The following TRPM3 variants were observed in gnomAD, a reference collection of about 807,000 sequenced individuals.
TRPM3 encodes the protein transient receptor potential cation channel subfamily M member 3.
Under a neutral mutation model 181.2 loss-of-function variants are expected in TRPM3, and 77 were observed. The ratio of observed to expected loss-of-function variants is 0.42; its 90% CI spans 0.35 to 0.51. The LOEUF is 0.51. Ranked by LOEUF, TRPM3 falls within the 20% of genes least tolerant of loss-of-function variation. The probability of loss-of-function intolerance (pLI) is 0.01; values close to 1 mark genes in which losing one functional copy is unlikely to be tolerated. For synonymous variants in TRPM3, 745 were observed against 796.4 expected, an observed-to-expected ratio of 0.94 and a Z score of 1.09; for missense variants, 1,759 against 2,196.7, an observed-to-expected ratio of 0.80 and a Z score of 3.98.
chr9:70,793,333 G>A (rs1249568597), intron 6 of TRPM3, among the ~76,000 whole-genome samples: 1 of 151,718 alleles, frequency 6.6e-6, no homozygotes, highest in Non-Finnish European at 1.5e-5. Context: ...GCATGTGCCT[G>A]TAGTCCCAGC....
chr9:70,598,574 A>G lies in TRPM3; in HGVS notation c.2893T>C (p.Ser965Pro), dbSNP rs2059383562. The G allele has an allele frequency of 1.2e-6, 2 of 1,614,094 alleles. No homozygotes were observed. The highest frequency in any genetic ancestry group is 8.5e-7 in the Non-Finnish European group (1 of 1,180,046). ...TGGAGACGAAGGATCATTCCGACAGAAAACAGAAGGATGGCGATGAGGTCC... is the reference window on the plus strand; with the variant it reads ...TGGAGACGAAGGATCATTCCGACAGGAAACAGAAGGATGGCGATGAGGTCC... ...VTDLIAILLF[S>P]VGMILRLQDQ... Residue 965 changes from serine to proline, a missense_variant, in exon 21 of 26, where the codon TCT becomes CCT. By Grantham distance (74) the Ser-to-Pro change is moderately conservative (BLOSUM62 -1). Transcript: ENST00000677713.
intron 1 of TRPM3, among the ~76,000 whole-genome samples, chr9:70,963,306 T>G (rs963537047): frequency 6.6e-6 from 1 of 152,192 alleles, no homozygotes; most frequent in Non-Finnish European, 1.5e-5. Context: ...AAGGAAGACA[T>G]CATTTCTCCC....
In TRPM3 at chr9:70,845,779, G is replaced by A. The variant is rs373062988; in HGVS notation, c.676+599C>T. 5.0e-4 allele frequency among the ~76,000 whole-genome samples: 76 copies of A among 152,190 alleles called. 2 individuals carry two copies. The highest frequency in any genetic ancestry group is 1.6e-3 in the African/African-American group (67 of 41,526). ...CACATTAAAAATGTTCTGTAAATAAGCACTTAACTATAGGTGGGCCAGTAA... is the reference window on the plus strand; with the variant it reads ...CACATTAAAAATGTTCTGTAAATAAACACTTAACTATAGGTGGGCCAGTAA... On this transcript the variant is annotated intron_variant, in intron 4 of 25. Coordinates refer to ENST00000677713, the MANE Select transcript of TRPM3 (RefSeq NM_001366145.2).
At chr9:71,414,816 T>A (rs992648685) in intron 1 of TRPM3, among the ~76,000 whole-genome samples, 4 of 152,000 alleles carry the variant, frequency 2.6e-5, no homozygotes, top group African/African-American at 9.7e-5. Flanking sequence ...ATATTTTAAA[T>A]TAAAAATGTG....
At chr9:71,371,063 GA>G (rs35238336) in intron 1 of TRPM3, among the ~76,000 whole-genome samples, 45 of 146,594 alleles carry the variant, frequency 3.1e-4, no homozygotes, top group Admixed American at 1.3e-3. Context: ...CTACTTCTGA[GA>G]AAAAAAAAAA....
chr9:70,619,108 A>T lies in TRPM3; in HGVS notation c.2130-13T>A. The stretch of plus-strand genomic sequence containing the variant: ...CTGGCCAAAGTCTCTGAAAGACAGA[A>T]TGGGTGGAAGAGTCCTTCAGGTCAG... On this transcript the variant is annotated splice_polypyrimidine_tract_variant and intron_variant, in intron 16 of 25. Coordinates refer to ENST00000677713, the MANE Select transcript of TRPM3 (RefSeq NM_001366145.2). The T allele has an allele frequency of 6.2e-7, 1 of 1,608,758 alleles. No individual in the cohort carries two copies.
At chr9:71,299,328 CTG>C (rs2086570329) in intron 1 of TRPM3, among the ~76,000 whole-genome samples, 1 of 152,312 alleles carries the variant, frequency 6.6e-6, no homozygotes, top group Admixed American at 6.5e-5. Context: ...AGACTTAACT[CTG>C]TGCCCAGTGT....
At chr9:70,609,889 T>C (rs1371497486) in intron 19 of TRPM3, among the ~76,000 whole-genome samples, 1 of 150,412 alleles carries the variant, frequency 6.6e-6, no homozygotes, top group African/African-American at 2.5e-5. Flanking sequence ...GGAGATGACC[T>C]GGGCCAAAAG....
chr9:70,591,792 T>G lies in TRPM3; in HGVS notation c.3049-587A>C, dbSNP rs185262810. ...CAAATATCCATTATATTCTTATTCTTGTGGCCCCACCCCACTGCATAGTAT... is the reference window on the plus strand; with the variant it reads ...CAAATATCCATTATATTCTTATTCTGGTGGCCCCACCCCACTGCATAGTAT... On this transcript the variant is annotated intron_variant, in intron 21 of 25. Coordinates refer to ENST00000677713, the MANE Select transcript of TRPM3 (RefSeq NM_001366145.2). Among the ~76,000 whole-genome samples the G allele has an allele frequency of 4.6e-5, 7 of 152,332 alleles. No individual in the cohort carries two copies. In the East Asian group the frequency reaches 1.3e-3, roughly 29 times the overall value.
chr9:70,793,562 C>A (rs766039590), intron 6 of TRPM3: 3 of 467,404 alleles, frequency 6.4e-6, no homozygotes, highest in South Asian at 3.1e-5. Context: ...CATATATATA[C>A]CCCTTTATGT....
chr9:70,991,157 G>T (rs1278679080), intron 1 of TRPM3, among the ~76,000 whole-genome samples: 1 of 151,998 alleles, frequency 6.6e-6, no homozygotes, highest in Non-Finnish European at 1.5e-5. Flanking sequence ...TCTTCATATT[G>T]CCTAGAGAAG....
intron 22 of TRPM3, among the ~76,000 whole-genome samples, chr9:70,580,969 C>T (rs1042083499): frequency 5.9e-5 from 9 of 152,204 alleles, no homozygotes; most frequent in South Asian, 2.1e-4. Context: ...ACTCCCATCT[C>T]GTGGCACAGA....
intron 1 of TRPM3, among the ~76,000 whole-genome samples, chr9:71,152,983 G>A (rs963431875): frequency 6.6e-6 from 1 of 152,092 alleles, no homozygotes; most frequent in Non-Finnish European, 1.5e-5. Flanking sequence ...TGAGAGAACT[G>A]AGAAGCAGCC....
intron 1 of TRPM3, among the ~76,000 whole-genome samples, chr9:71,344,331 A>G (rs1588590310): frequency 2.0e-5 from 3 of 151,992 alleles, no homozygotes; most frequent in East Asian, 1.9e-4. Context: ...CATGCCTGTA[A>G]TCCCAGCTAC....
chr9:71,058,973 A>G (rs1239667888), intron 1 of TRPM3, among the ~76,000 whole-genome samples: 2 of 147,724 alleles, frequency 1.4e-5, no homozygotes, highest in East Asian at 2.0e-4. Flanking sequence ...TCTTTGCTCA[A>G]ATAAACTCTA....
chr9:70,590,897 C>T, intron 22 of TRPM3, 134 bp downstream of exon 22: 1 of 1,244,360 alleles, frequency 8.0e-7, no homozygotes, highest in African/African-American at 1.5e-5. Flanking sequence ...TTGTTTCCTC[C>T]AAGATAGCAA....
At chr9:71,070,138 G>A (rs1369991221) in intron 1 of TRPM3, among the ~76,000 whole-genome samples, 2 of 152,166 alleles carry the variant, frequency 1.3e-5, no homozygotes, top group Admixed American at 6.5e-5. Context: ...GAAATATCTG[G>A]TCAAAGTGTC....
chr9:71,418,678 T>G (rs1021896532), intron 1 of TRPM3, among the ~76,000 whole-genome samples: 4 of 151,078 alleles, frequency 2.6e-5, no homozygotes, highest in African/African-American at 7.3e-5. Flanking sequence ...GAAACTCAAC[T>G]GAGGATGCCC....
At chr9:71,078,837 T>C (rs1443944362) in intron 1 of TRPM3, among the ~76,000 whole-genome samples, 1 of 92,188 alleles carries the variant, frequency 1.1e-5, no homozygotes, top group Non-Finnish European at 2.8e-5. Flanking sequence ...CAGAAAGAAA[T>C]CAAATCAAAA....
Sources: gnomAD v4.1 joint callset for allele counts (sites outside exome capture counted in the v4.1 genomes callset) on GRCh38, gnomAD v4.1.1 for gene constraint, MANE v1.5 for transcripts, NCBI Gene and HGNC (gene_info 2026-07-23, HGNC 2026-07-21) for gene names.